Variants in SCN8A observed in about 807,000 individuals in gnomAD.
The protein encoded by SCN8A is sodium voltage-gated channel alpha subunit 8.
Under a neutral mutation model 184.1 loss-of-function variants are expected in SCN8A, and 30 were observed. The observed-to-expected ratio is 0.16, with a 90% confidence interval of 0.12 to 0.22. The LOEUF is 0.22. Among genes scored for constraint, SCN8A ranks in the 10% least tolerant of loss-of-function variants. SCN8A has a pLI of 1.00. For synonymous variants in SCN8A, 852 were observed against 907.0 expected (o/e 0.94, Z 1.09); for missense variants, 1,057 against 2,498.9 (o/e 0.42, Z 12.30).
At chr12:51,784,636 G>T (rs574865399) in intron 21 of SCN8A, among the ~76,000 whole-genome samples, 40 of 152,078 alleles carry the variant, frequency 2.6e-4, no homozygotes, top group African/African-American at 8.4e-4. Flanking sequence ...GATTTTATAG[G>T]ATTTTATATC....
chr12:51,636,740 T>A (rs1940326769), intron 1 of SCN8A, among the ~76,000 whole-genome samples: 1 of 152,240 alleles, frequency 6.6e-6, no homozygotes, highest in African/African-American at 2.4e-5. Context: ...GCCTACTGTG[T>A]TCCTCTTTCA....
intron 19 of SCN8A, among the ~76,000 whole-genome samples, chr12:51,773,034 A>G (rs370179971): frequency 2.6e-5 from 4 of 151,774 alleles, no homozygotes; most frequent in South Asian, 2.1e-4. Flanking sequence ...GGAGAATGGC[A>G]TGAACCCGGG....
chr12:51,789,234 T>C, intron 23 of SCN8A, 47 bp from the exon 24 acceptor site: 1 of 1,609,094 alleles, frequency 6.2e-7, no homozygotes, highest in Non-Finnish European at 8.5e-7. Flanking sequence ...CGTGTCAAAC[T>C]CCAAACTAGG....
chr12:51,592,974 G>T (rs916895286), intron 1 of SCN8A, among the ~76,000 whole-genome samples: 15 of 151,780 alleles, frequency 9.9e-5, no homozygotes, highest in African/African-American at 3.4e-4. Flanking sequence ...TTTTTTTTTT[G>T]ATTTGTGATG....
chr12:51,665,010 G>A (rs553067313), intron 2 of SCN8A, among the ~76,000 whole-genome samples: 3 of 152,146 alleles, frequency 2.0e-5, no homozygotes, highest in Admixed American at 6.5e-5. Context: ...GTGTTAGTTT[G>A]CTGAGGATAA....
At chr12:51,596,459 G>A (rs979321545) in intron 1 of SCN8A, among the ~76,000 whole-genome samples, 1 of 152,180 alleles carries the variant, frequency 6.6e-6, no homozygotes, top group African/African-American at 2.4e-5. Context: ...GTCGACTCAT[G>A]TTTAGTGACT....
At chr12:51,747,824 T>C (rs1051029921) in intron 13 of SCN8A, among the ~76,000 whole-genome samples, 1 of 150,620 alleles carries the variant, frequency 6.6e-6, no homozygotes, top group Non-Finnish European at 1.5e-5. Flanking sequence ...TCTGTCCTGC[T>C]GTGCTTATTC....
chr12:51,786,151 G>A (rs1938078919), intron 21 of SCN8A, among the ~76,000 whole-genome samples: 2 of 152,100 alleles, frequency 1.3e-5, no homozygotes, highest in South Asian at 4.2e-4. Context: ...TTTTCAGAGG[G>A]GGAATGTCTG....
At chr12:51,713,976 GT>G (rs1307908845) in intron 11 of SCN8A, among the ~76,000 whole-genome samples, 147 of 143,470 alleles carry the variant, frequency 1.0e-3, no homozygotes, top group African/African-American at 2.1e-3. Flanking sequence ...AAAAAAAAGG[GT>G]TTTTTTTTTT....
At chr12:51,697,331 C>T (rs1458151608) in intron 6 of SCN8A, among the ~76,000 whole-genome samples, 1 of 152,092 alleles carries the variant, frequency 6.6e-6, no homozygotes, top group Admixed American at 6.5e-5. Context: ...TCTTAGATCC[C>T]TTTTAAGATA....
intron 1 of SCN8A, among the ~76,000 whole-genome samples, chr12:51,643,236 G>A (rs762212161): frequency 3.9e-5 from 6 of 152,098 alleles, no homozygotes; most frequent in Non-Finnish European, 7.4e-5. Flanking sequence ...GTCATGGTAC[G>A]GGGAAACCAT....
intron 1 of SCN8A, among the ~76,000 whole-genome samples, chr12:51,623,301 AGTCTGTATATAT>A (rs1173224791): frequency 1.3e-5 from 2 of 152,306 alleles, no homozygotes; most frequent in Non-Finnish European, 2.9e-5. Flanking sequence ...TGTATCTATC[AGTCTGTATATAT>A]GCTAAGCTAA....
At chr12:51,774,841 C>T (rs546274626) in intron 20 of SCN8A, among the ~76,000 whole-genome samples, 1 of 152,160 alleles carries the variant, frequency 6.6e-6, no homozygotes, top group Non-Finnish European at 1.5e-5. Flanking sequence ...TGATACCGGA[C>T]TCATCCAAAC....
At chr12:51,627,787 G>A (rs1351374190) in intron 1 of SCN8A, among the ~76,000 whole-genome samples, 2 of 152,142 alleles carry the variant, frequency 1.3e-5, no homozygotes, top group Non-Finnish European at 2.9e-5. Context: ...CTATAATTTA[G>A]TAATCATGTG....
intron 5 of SCN8A, among the ~76,000 whole-genome samples, chr12:51,688,521 A>G (rs542024281): frequency 1.3e-5 from 2 of 152,226 alleles, no homozygotes; most frequent in Non-Finnish European, 2.9e-5. Context: ...GATTGGGATC[A>G]GCACATTACT....
intron 1 of SCN8A, among the ~76,000 whole-genome samples, chr12:51,640,022 C>T (rs181485895): frequency 3.1e-4 from 45 of 146,806 alleles, no homozygotes; most frequent in African/African-American, 9.7e-4. Context: ...ATTCTCCCAC[C>T]TCAGCTGGGT....
At chr12:51,780,537 C>T in intron 20 of SCN8A, 112 bp from the exon 21 acceptor site, 1 of 729,842 alleles carries the variant, frequency 1.4e-6, no homozygotes, top group Non-Finnish European at 1.8e-6. Context: ...GGGCTTTATT[C>T]TAACACTCTG....
intron 1 of SCN8A, among the ~76,000 whole-genome samples, chr12:51,626,427 C>T (rs1022531302): frequency 6.6e-6 from 1 of 152,120 alleles, no homozygotes; most frequent in Admixed American, 6.5e-5. Context: ...GCTCTCCGTA[C>T]CTACCAGTTG....
chr12:51,744,990 A>G (rs1362650102), intron 12 of SCN8A, among the ~76,000 whole-genome samples: 2 of 152,184 alleles, frequency 1.3e-5, no homozygotes, highest in African/African-American at 2.4e-5. Flanking sequence ...AGCCAAGTCT[A>G]CATGGGTGAT....
Sources: allele counts gnomAD v4.1 joint callset (sites outside exome capture counted in the v4.1 genomes callset), GRCh38; gene constraint gnomAD v4.1.1; transcripts MANE v1.5; gene names NCBI Gene and HGNC (gene_info 2026-07-23, HGNC 2026-07-21).